SKOR2: variants seen among roughly 807,000 people sequenced by gnomAD.
The protein encoded by SKOR2 is LBX1 corepressor 1-like protein.
SKOR2 carries 47 observed loss-of-function variants against 69.1 expected under a neutral mutation model. That is an observed-to-expected ratio of 0.68 (90% CI 0.54 to 0.87). The LOEUF (loss-of-function observed/expected upper bound fraction) is 0.87. Ranked by LOEUF, SKOR2 falls within the 40% of genes least tolerant of loss-of-function variation. SKOR2 has a pLI of 0.00. For missense variants in SKOR2, 1,404 were observed against 1,472.2 expected (o/e 0.95, Z 0.76); for synonymous variants, 717 against 672.6 (o/e 1.07, Z -1.02).
At chr18:47,235,974 A>G (rs1199780682) in intron 4 of SKOR2, among the ~76,000 whole-genome samples, 1 of 151,996 alleles carries the variant, frequency 6.6e-6, no homozygotes, top group Non-Finnish European at 1.5e-5. Flanking sequence ...TTCTTGTCCA[A>G]CCTGCTGAGC....
In SKOR2 at chr18:47,227,326, A is replaced by ATTTTTTT. The variant is rs778462203; in HGVS notation, c.2917+3126_2917+3132dup. On this transcript the variant is annotated intron_variant, in intron 6 of 8. Transcript: ENST00000425639. ...CCCTTGGAACCACGACAAGAAGCCA[A>ATTTTTTT]TTTTTTTTTTTTTTTTTTTTTTTTT... Among the ~76,000 whole-genome samples the ATTTTTTT allele has an allele frequency of 4.0e-4, 36 of 91,126 alleles. 3 individuals are homozygous for ATTTTTTT. Among genetic ancestry groups the ATTTTTTT allele is most frequent in the East Asian group, 2.2e-3 (8 of 3,674 alleles). The allele number at this position is 91,126 out of a possible 152,430, so 59.8% of individuals were successfully genotyped here. A position where few individuals can be genotyped will look rare whatever the true frequency, so the allele number is the denominator to read the frequency against.
chr18:47,209,422 A>G (rs2064121571), intron 8 of SKOR2, among the ~76,000 whole-genome samples: 2 of 152,064 alleles, frequency 1.3e-5, no homozygotes, highest in Admixed American at 6.6e-5. Flanking sequence ...TCTTGGGGTA[A>G]CTCCTTGCAG....
Position 47,243,171 on chromosome 18 carries a change from C to T in SKOR2, c.2752+1737G>A, listed in dbSNP as rs770136924. Among the ~76,000 whole-genome samples, 140 of 152,144 alleles carry T rather than the reference C, an allele frequency of 9.2e-4. 1 individual carries two copies. The highest frequency in any genetic ancestry group is 1.5e-3 in the Non-Finnish European group (102 of 68,014). On this transcript the variant is annotated intron_variant, in intron 4 of 8. Coordinates refer to ENST00000425639, the MANE Select transcript of SKOR2 (RefSeq NM_001278063.4). ...GGGAATTCTCTAAGTGCTCATTGGT[C>T]GTACAAGACAGACCTAGCAAAGGTC...
At chr18:47,230,809 G>T in intron 5 of SKOR2, 126 bp downstream of exon 5, 1 of 897,394 alleles carries the variant, frequency 1.1e-6, no homozygotes, top group Non-Finnish European at 1.7e-6. Context: ...CCACCCAATG[G>T]TCCATATATT....
At chr18:47,216,498 G>C (rs1289173548) in intron 7 of SKOR2, among the ~76,000 whole-genome samples, 1 of 152,090 alleles carries the variant, frequency 6.6e-6, no homozygotes, top group Admixed American at 6.6e-5. Flanking sequence ...GACACAAAGA[G>C]AGTCAATCAT....
Position 47,227,430 on chromosome 18 carries a change from C to T in SKOR2, c.2917+3029G>A, listed in dbSNP as rs149620840. Among the ~76,000 whole-genome samples the T allele has an allele frequency of 4.7e-3, 709 of 150,438 alleles. 8 individuals carry two copies. The highest frequency in any genetic ancestry group is 0.024 in the Middle Eastern group (7 of 292). ...TCGGCTCACTGCAACCTCTGCCTCC[C>T]GGGTTCAAGTGATTCTCCTGCTTCA... is the stretch of plus-strand genomic sequence containing the variant. On this transcript the variant is annotated intron_variant, in intron 6 of 8. Transcript: ENST00000425639.
chr18:47,224,080 GT>G (rs771120806), intron 6 of SKOR2, among the ~76,000 whole-genome samples: 3 of 151,434 alleles, frequency 2.0e-5, no homozygotes, highest in Non-Finnish European at 4.4e-5. Context: ...TACTTTTTTT[GT>G]ATTTTTGGTA....
intron 6 of SKOR2, among the ~76,000 whole-genome samples, chr18:47,224,816 CA>C (rs1359760255): frequency 6.6e-6 from 1 of 151,946 alleles, no homozygotes. Context: ...GACAGGGTCC[CA>C]GTATGTTGCC....
rs1190557680 is a variant in SKOR2 at position 47,248,158 on chromosome 18, C to G, written c.1026G>C (p.Ser342=). Residue 342 remains serine (S), a synonymous_variant, in exon 2 of 9, where the codon TCG becomes TCC. Transcript: ENST00000425639. The surrounding 1 kb of genome is among the most constrained non-coding windows in gnomAD (Gnocchi z 6.4). ...AAASLSVAAA[S]GGAGTGGGGA... ...CGCCCCCACCAGTCCCCGCGCCGCC[C>G]GAAGCAGCAGCCACAGAGAGGCTGG... 1.8e-5 allele frequency: 23 copies of G among 1,254,692 alleles called. No homozygotes were observed. The highest frequency in any genetic ancestry group is 2.2e-5 in the Non-Finnish European group (22 of 1,006,332). 77.7% of individuals were successfully genotyped at this position (1,254,692 alleles called of 1,614,324 possible). A position where few individuals can be genotyped will look rare whatever the true frequency, so the allele number is the denominator to read the frequency against.
chr18:47,225,051 AGAAG>A (rs1410249681), intron 6 of SKOR2, among the ~76,000 whole-genome samples: 1 of 152,200 alleles, frequency 6.6e-6, no homozygotes, highest in East Asian at 1.9e-4. Flanking sequence ...AAAAGAAAGA[AGAAG>A]GAAGGAAGGA....
At chr18:47,230,650 TA>T in intron 5 of SKOR2, 93 bp from the exon 6 acceptor site, 1 of 856,370 alleles carries the variant, frequency 1.2e-6, no homozygotes, top group Non-Finnish European at 1.6e-6. Context: ...TAAGACAAAA[TA>T]TTTTACCAGT....
At chr18:47,212,578 A>G (rs1042253900) in intron 7 of SKOR2, among the ~76,000 whole-genome samples, 6 of 152,234 alleles carry the variant, frequency 3.9e-5, no homozygotes, top group African/African-American at 1.2e-4. Flanking sequence ...ATTTCTTTAT[A>G]ACAGACGTAA....
intron 2 of SKOR2, among the ~76,000 whole-genome samples, chr18:47,245,833 A>T (rs1285317632): frequency 6.6e-6 from 1 of 152,110 alleles, no homozygotes; most frequent in Non-Finnish European, 1.5e-5. Flanking sequence ...CTGTAAATAA[A>T]CACACCATGT....
intron 4 of SKOR2, 130 bp downstream of exon 4, chr18:47,244,778 C>T: frequency 1.3e-6 from 1 of 744,268 alleles, no homozygotes; most frequent in Non-Finnish European, 2.0e-6. Context: ...TTGTGTTTTT[C>T]TTAGTTATAT....
intron 8 of SKOR2, among the ~76,000 whole-genome samples, chr18:47,209,122 C>A (rs778998022): frequency 4.0e-5 from 6 of 151,622 alleles, no homozygotes; most frequent in Admixed American, 2.6e-4. Flanking sequence ...TTTGACGCAA[C>A]GTGGAATTTC....
intron 8 of SKOR2, among the ~76,000 whole-genome samples, chr18:47,210,542 G>A (rs1399162796): frequency 2.0e-5 from 3 of 151,980 alleles, no homozygotes; most frequent in Non-Finnish European, 4.4e-5. Flanking sequence ...GAATTAATTT[G>A]GACCATTCTT....
chr18:47,240,709 T>C (rs2064244641), intron 4 of SKOR2, among the ~76,000 whole-genome samples: 1 of 152,196 alleles, frequency 6.6e-6, no homozygotes, highest in African/African-American at 2.4e-5. Context: ...AATGATGAAC[T>C]AAAATATCAA....
chr18:47,247,814 G>A lies in SKOR2; in HGVS notation c.1370C>T (p.Ala457Val). 1 of 1,398,742 alleles carries A rather than the reference G, an allele frequency of 7.1e-7. No homozygotes were observed. The highest frequency in any genetic ancestry group is 3.3e-5 in the Admixed American group (1 of 30,076). 86.6% of individuals were successfully genotyped at this position (1,398,742 alleles called of 1,614,324 possible). A position where few individuals can be genotyped will look rare whatever the true frequency, so the allele number is the denominator to read the frequency against. ...CGGATAGAAGGCGTCCTTGCGGCCC[G>A]CGGGCCAGAAGAGGCCGGACAAGCC... ...KAGLSGLFWP[A>V]GRKDAFYPPF... The change falls in exon 2 of 9, where the codon GCG (alanine) becomes GTG (valine). Residue 457 changes from alanine (A) to valine (V), a missense_variant. By Grantham distance (64) the Ala-to-Val change is moderately conservative. Transcript: ENST00000425639. This position sits in a 1 kb window ranked among gnomAD's most constrained non-coding sequence, Gnocchi z 6.6.
At chr18:47,222,388 C>T (rs1488338742) in intron 6 of SKOR2, among the ~76,000 whole-genome samples, 2 of 152,012 alleles carry the variant, frequency 1.3e-5, no homozygotes, top group East Asian at 3.9e-4. Context: ...ACCCACTTGT[C>T]TTTCCTGTGC....
Sources: gnomAD v4.1 joint callset for allele counts (sites outside exome capture counted in the v4.1 genomes callset) on GRCh38, gnomAD v4.1.1 for gene constraint, Gnocchi (gnomAD v3.1) non-coding constraint, MANE v1.5 for transcripts, NCBI Gene and HGNC (gene_info 2026-07-23, HGNC 2026-07-21) for gene names.